The following LRRC3C variants were observed in gnomAD, a reference collection of about 807,000 sequenced individuals.
LRRC3C encodes the protein leucine rich repeat containing 3C, also known as leucine-rich repeat-containing protein 3C.
Under a neutral mutation model 14.8 loss-of-function variants are expected in LRRC3C, and 11 were observed. The ratio of observed to expected loss-of-function variants is 0.74; its 90% CI spans 0.47 to 1.23. The LOEUF is 1.23. Ranked by LOEUF, LRRC3C falls within the 50% of genes most tolerant of loss-of-function variation. LRRC3C has a pLI of 0.00. For missense variants in LRRC3C, 354 were observed against 361.8 expected, an observed-to-expected ratio of 0.98 and a Z score of 0.18; for synonymous variants, 149 against 161.5, an observed-to-expected ratio of 0.92 and a Z score of 0.59.
intron 3 of LRRC3C, 105 bp from the exon 4 acceptor site, chr17:39,943,828 C>T: frequency 9.0e-7 from 1 of 1,116,344 alleles, no homozygotes; most frequent in South Asian, 1.5e-5. Context: ...GAAGAGGCCC[C>T]AGCCCAAAAA....
Position 39,943,982 on chromosome 17 carries a change from G to A in LRRC3C, c.76G>A (p.Ala26Thr), listed in dbSNP as rs1286683977. 1.3e-6 allele frequency: 2 copies of A among 1,536,108 alleles called. No individual in the cohort carries two copies. The change falls in exon 4 of 4, where the codon GCA (alanine) becomes ACA (threonine). Residue 26 changes from alanine (A) to threonine (T), a missense_variant. Ala to Thr is a moderately conservative substitution (Grantham distance 58). Transcript: ENST00000377924. Reference protein sequence around the residue: ...LCQFMAMLPTAGHLLPLLLVI... With the variant: ...LCQFMAMLPTTGHLLPLLLVI... ...CCAATTTATGGCCATGCTCCCAACA[G>A]CAGGTCACCTCCTGCCCCTCCTGCT... is the stretch of plus-strand genomic sequence containing the variant.
rs1269801353 is a variant in LRRC3C at position 39,944,254 on chromosome 17, C to G, written c.348C>G (p.Ala116=). The G allele has an allele frequency of 6.5e-7, 1 of 1,534,892 alleles. No homozygotes were observed. Among genetic ancestry groups the G allele is most frequent in the Admixed American group, 2.0e-5 (1 of 50,796 alleles). Residue 116 remains alanine (A), a synonymous_variant, in exon 4 of 4, where the codon GCC becomes GCG. Coordinates refer to ENST00000377924, the MANE Select transcript of LRRC3C (RefSeq NM_001195545.2). ...EELDLSHNAL[A]HLSGAAFQGL... is the part of the protein sequence containing the mutation. Reference sequence around the variant, plus strand: ...TGGATCTGTCCCATAATGCCCTTGCCCACCTCTCAGGGGCGGCTTTCCAGG... The same window carrying G: ...TGGATCTGTCCCATAATGCCCTTGCGCACCTCTCAGGGGCGGCTTTCCAGG...
In LRRC3C at chr17:39,927,767, T is replaced by G. The variant is rs1011264256; in HGVS notation, c.-222T>G. Reference sequence around the variant, plus strand: ...CCCGGCCTCTTCGGGGACGCACGGTTGGAAGTTGTACCGTGACGTGATGGT... The same window carrying G: ...CCCGGCCTCTTCGGGGACGCACGGTGGGAAGTTGTACCGTGACGTGATGGT... On this transcript the variant is annotated 5_prime_UTR_variant, in exon 1 of 4. Transcript: ENST00000377924. 1.4e-5 allele frequency: 14 copies of G among 985,378 alleles called. No individual in the cohort carries two copies. Among genetic ancestry groups the G allele is most frequent in the Non-Finnish European group, 1.7e-5 (14 of 829,968 alleles). 61.0% of individuals were successfully genotyped at this position (985,378 alleles called of 1,614,324 possible).
At chr17:39,937,144 T>A (rs954115232) in intron 2 of LRRC3C, among the ~76,000 whole-genome samples, 11 of 138,522 alleles carry the variant, frequency 7.9e-5, no homozygotes, top group Admixed American at 1.4e-4. Flanking sequence ...CTAAAAAAAA[T>A]AAATAAATAG....
chr17:39,930,730 A>G (rs1441525850), intron 1 of LRRC3C, among the ~76,000 whole-genome samples: 1 of 151,314 alleles, frequency 6.6e-6, no homozygotes, highest in East Asian at 1.9e-4. Context: ...AAAAAAAAAA[A>G]AGATTTTATT....
At chr17:39,943,472 C>G (rs772832426) in intron 3 of LRRC3C, among the ~76,000 whole-genome samples, 2 of 152,192 alleles carry the variant, frequency 1.3e-5, no homozygotes, top group Non-Finnish European at 2.9e-5. Context: ...GCTGGATGCC[C>G]TGACACCCTG....
At chr17:39,937,615 G>A (rs1448642525) in intron 2 of LRRC3C, among the ~76,000 whole-genome samples, 1 of 152,166 alleles carries the variant, frequency 6.6e-6, no homozygotes, top group Non-Finnish European at 1.5e-5. Context: ...TGGAAGCCAA[G>A]CCATTTCATG....
chr17:39,931,445 C>CAAAAAAA (rs58318948), intron 1 of LRRC3C, among the ~76,000 whole-genome samples: 1 of 74,960 alleles, frequency 1.3e-5, no homozygotes, highest in Non-Finnish European at 2.5e-5. Flanking sequence ...GACTTCGTCT[C>CAAAAAAA]AAAAAAAAAA....
chr17:39,928,958 A>G (rs1978568093), intron 1 of LRRC3C: 1 of 152,248 alleles, frequency 6.6e-6, no homozygotes, highest in South Asian at 2.1e-4. Flanking sequence ...AATGGCCCCA[A>G]AAGGGCTCAT....
chr17:39,938,152 A>C (rs1333528582), intron 2 of LRRC3C, among the ~76,000 whole-genome samples: 1 of 152,042 alleles, frequency 6.6e-6, no homozygotes, highest in Non-Finnish European at 1.5e-5. Flanking sequence ...AAAAATCTCC[A>C]TTACCAGACA....
At chr17:39,930,797 A>G (rs1436757504) in intron 1 of LRRC3C, among the ~76,000 whole-genome samples, 1 of 151,762 alleles carries the variant, frequency 6.6e-6, no homozygotes. Flanking sequence ...AAGGAATTCT[A>G]AATGTTTAGG....
At chr17:39,942,158 G>A (rs577864870) in intron 3 of LRRC3C, among the ~76,000 whole-genome samples, 5 of 152,172 alleles carry the variant, frequency 3.3e-5, no homozygotes, top group African/African-American at 1.2e-4. Flanking sequence ...ATGTGTTCTG[G>A]AAGTCAGTAA....
chr17:39,932,183 C>T (rs1050632412), intron 1 of LRRC3C, among the ~76,000 whole-genome samples: 2 of 152,092 alleles, frequency 1.3e-5, no homozygotes, highest in African/African-American at 4.8e-5. Flanking sequence ...TGGCAAGTGA[C>T]ACTGGTGTTC....
Position 39,927,734 on chromosome 17 carries a change from G to T in LRRC3C, c.-255G>T, listed in dbSNP as rs770237075. 6.1e-6 allele frequency: 6 copies of T among 985,470 alleles called. No homozygotes were observed. The highest frequency in any genetic ancestry group is 4.7e-5 in the South Asian group (1 of 21,294). The allele number at this position is 985,470 out of a possible 1,614,324, so 61.0% of individuals were successfully genotyped here. ...TCCTGGGAGTTGTAGTTTTTCCTGG[G>T]CTCCGTTCCCGGCCTCTTCGGGGAC... On this transcript the variant is annotated 5_prime_UTR_variant, in exon 1 of 4. Coordinates refer to ENST00000377924, the MANE Select transcript of LRRC3C (RefSeq NM_001195545.2).
rs998309121 is a variant in LRRC3C at position 39,943,999 on chromosome 17, C to T, written c.93C>T (p.Pro31=). The change falls in exon 4 of 4, where the codon CCC becomes CCT. Residue 31 remains proline (P), a synonymous_variant. Coordinates refer to ENST00000377924, the MANE Select transcript of LRRC3C (RefSeq NM_001195545.2). Reference sequence around the variant, plus strand: ...TCCCAACAGCAGGTCACCTCCTGCCCCTCCTGCTGGTGATAGGCACAGGGG... The same window carrying T: ...TCCCAACAGCAGGTCACCTCCTGCCTCTCCTGCTGGTGATAGGCACAGGGG... ...AMLPTAGHLL[P]LLLVIGTGGT... 1.3e-6 allele frequency: 2 copies of T among 1,536,038 alleles called. No homozygotes were observed. Among genetic ancestry groups the T allele is most frequent in the African/African-American group, 1.4e-5 (1 of 73,046 alleles).
chr17:39,940,994 T>C (rs1321619514), intron 2 of LRRC3C, among the ~76,000 whole-genome samples: 1 of 151,424 alleles, frequency 6.6e-6, no homozygotes, highest in African/African-American at 2.4e-5. Flanking sequence ...TCCACCCACC[T>C]CGGCCTCCCG....
At chr17:39,935,682 C>G in intron 1 of LRRC3C, 120 bp from the exon 2 acceptor site, 1 of 331,622 alleles carries the variant, frequency 3.0e-6, no homozygotes, top group Non-Finnish European at 4.3e-6. Context: ...CTCTGAATCC[C>G]CAATGCCTAA....
At chr17:39,939,992 CAG>C (rs757304567) in intron 2 of LRRC3C, among the ~76,000 whole-genome samples, 2 of 152,196 alleles carry the variant, frequency 1.3e-5, no homozygotes, top group Admixed American at 6.5e-5. Flanking sequence ...GAGAGAGGAA[CAG>C]GGGGAAAGGG....
At chr17:39,933,530 C>T (rs1329573905) in intron 1 of LRRC3C, among the ~76,000 whole-genome samples, 2 of 152,086 alleles carry the variant, frequency 1.3e-5, no homozygotes, top group African/African-American at 2.4e-5. Context: ...GTCAGGAGAT[C>T]GAGACCATCC....
Sources: gnomAD v4.1 joint callset for allele counts (sites outside exome capture counted in the v4.1 genomes callset) on GRCh38, gnomAD v4.1.1 for gene constraint, MANE v1.5 for transcripts, NCBI Gene and HGNC (gene_info 2026-07-23, HGNC 2026-07-21) for gene names.